ASMTL: variants seen among roughly 807,000 people sequenced by gnomAD.
ASMTL encodes the protein acetylserotonin O-methyltransferase like.
In ASMTL, 57 loss-of-function variants were observed where a neutral mutation model predicts 60.3. The ratio of observed to expected loss-of-function variants is 0.95; its 90% CI spans 0.76 to 1.18. The LOEUF (loss-of-function observed/expected upper bound fraction) is 1.18, where lower values mean the gene tolerates loss of function less well. ASMTL is among the 50% of genes most tolerant of loss of function. The pLI is 0.00. For synonymous variants in ASMTL, 419 were observed against 373.0 expected, an observed-to-expected ratio of 1.12 and a Z score of -1.42; for missense variants, 981 against 852.6, an observed-to-expected ratio of 1.15 and a Z score of -1.88.
intron 9 of ASMTL, 176 bp from the exon 10 acceptor site, chrX:1,419,290 G>C (rs1412506171): frequency 1.2e-5 from 3 of 243,204 alleles, no homozygotes; most frequent in African/African-American, 7.0e-5. Flanking sequence ...GTCTGTGTGG[G>C]GGCTGGGCTG....
At chrX:1,416,575 G>A (rs1373077242) in intron 11 of ASMTL, among the ~76,000 whole-genome samples, 1 of 93,256 alleles carries the variant, frequency 1.1e-5, no homozygotes, top group Non-Finnish European at 2.6e-5. Flanking sequence ...GCACACAGAC[G>A]CAGACACACA....
intron 12 of ASMTL, among the ~76,000 whole-genome samples, chrX:1,407,911 A>G (rs866125767): frequency 3.3e-5 from 4 of 121,544 alleles, no homozygotes; most frequent in Admixed American, 1.8e-4. Context: ...AAGAGAGAGA[A>G]AGAGAGACAG....
intron 11 of ASMTL, among the ~76,000 whole-genome samples, chrX:1,416,344 T>TAGACCA: frequency 1.5e-5 from 1 of 67,036 alleles, no homozygotes; most frequent in East Asian, 4.4e-4. Context: ...GACATACAGA[T>TAGACCA]ACAGTGACAG....
intron 11 of ASMTL, among the ~76,000 whole-genome samples, chrX:1,416,090 C>T (rs1410737178): frequency 6.6e-6 from 1 of 151,424 alleles, no homozygotes; most frequent in Non-Finnish European, 1.5e-5. Context: ...CACACTCACG[C>T]ACGGACACAC....
At chrX:1,428,625 C>A (rs1194718301) in intron 6 of ASMTL, among the ~76,000 whole-genome samples, 1 of 49,542 alleles carries the variant, frequency 2.0e-5, no homozygotes, top group Non-Finnish European at 4.8e-5. Context: ...CCAGCCTGGG[C>A]GGCAGAGGAA....
chrX:1,452,763 C>A lies in ASMTL; in HGVS notation c.78G>T (p.Glu26Asp), dbSNP rs761079794. The A allele has an allele frequency of 1.9e-6, 3 of 1,593,974 alleles. No individual in the cohort carries two copies. Among genetic ancestry groups the A allele is most frequent in the Non-Finnish European group, 2.6e-6 (3 of 1,176,164 alleles). Residue 26 changes from glutamate to aspartate, a missense_variant, in exon 1 of 13, where the codon GAG becomes GAT. Coordinates refer to ENST00000381317, the MANE Select transcript of ASMTL (RefSeq NM_004192.4). ...CAGGCCGTACCGCGTTGCTGAGGAT[C>A]TCCTGACGGCGTGGGGAGGCGCTGG... is the stretch of plus-strand genomic sequence containing the variant. The part of the protein sequence containing the change: ...VLASASPRRQ[E>D]ILSNAGLRFE...
intron 1 of ASMTL, among the ~76,000 whole-genome samples, chrX:1,444,554 TGC>T (rs1414187448): frequency 7.9e-5 from 12 of 152,110 alleles, no homozygotes; most frequent in African/African-American, 2.9e-4. Context: ...TTACATTTGG[TGC>T]CGAAACCCAG....
At position 1,419,100 on chromosome X, in the gene ASMTL, C is replaced by T. The variant is rs1288935196; in HGVS notation, c.1260G>A (p.Gln420=). 11 of 1,611,334 alleles carry T rather than the reference C, an allele frequency of 6.8e-6. No homozygotes were observed. The highest frequency in any genetic ancestry group is 2.2e-5 in the East Asian group (1 of 44,840). ...AEDLFQDAYY[Q]SPETRLRFMR... is the part of the protein sequence containing the mutation. ...TGAACCTCAGCCGCGTCTCCGGGCT[C>T]TGGTAGTACGCATCCTGGAACACAG... is the stretch of plus-strand genomic sequence containing the variant. Residue 420 remains glutamine (Q), a synonymous_variant, in exon 10 of 13, where the codon CAG becomes CAA. Coordinates refer to ENST00000381317, the MANE Select transcript of ASMTL (RefSeq NM_004192.4).
chrX:1,411,806 C>CT (rs756437483), intron 12 of ASMTL, among the ~76,000 whole-genome samples: 28,753 of 84,714 alleles, frequency 0.34, 6,428 homozygotes, highest in Non-Finnish European at 0.37. Context: ...TTAGGATTTT[C>CT]TTTTTTTTTT....
At chrX:1,449,719 T>TGCC (rs1569535099) in intron 1 of ASMTL, among the ~76,000 whole-genome samples, 2 of 104,242 alleles carry the variant, frequency 1.9e-5, no homozygotes, top group Non-Finnish European at 3.7e-5. Flanking sequence ...CCAGTAACTA[T>TGCC]CCACCATCAC....
At chrX:1,420,374 TATC>T (rs2090450185) in intron 9 of ASMTL, among the ~76,000 whole-genome samples, 1 of 146,536 alleles carries the variant, frequency 6.8e-6, no homozygotes, top group South Asian at 2.1e-4. Flanking sequence ...TCTGTCTGCC[TATC>T]TCTCTCTCTG....
intron 1 of ASMTL, among the ~76,000 whole-genome samples, chrX:1,445,903 G>A (rs1293060661): frequency 6.6e-6 from 1 of 152,062 alleles, no homozygotes; most frequent in Admixed American, 6.6e-5. Flanking sequence ...CCCAGACGGG[G>A]TCACCAAAGG....
chrX:1,425,348 T>C (rs1308828526), intron 8 of ASMTL, 177 bp downstream of exon 8: 7 of 284,126 alleles, frequency 2.5e-5, no homozygotes, highest in Non-Finnish European at 3.2e-5. Context: ...CTGCCACTGT[T>C]CCCTCTCTGT....
At chrX:1,433,097 CAAAT>C (rs1422788006) in intron 5 of ASMTL, among the ~76,000 whole-genome samples, 1 of 151,956 alleles carries the variant, frequency 6.6e-6, no homozygotes, top group African/African-American at 2.4e-5. Context: ...GACTCTGTCT[CAAAT>C]AAATAAATAA....
At position 1,419,007 on chromosome X, in the gene ASMTL, G is replaced by A; in HGVS notation, c.1353C>T (p.Arg451=). 1 of 1,611,900 alleles carries A rather than the reference G, an allele frequency of 6.2e-7. No individual in the cohort carries two copies. The highest frequency in any genetic ancestry group is 8.5e-7 in the Non-Finnish European group (1 of 1,179,820). The change falls in exon 10 of 13, where the codon CGC becomes CGT. Residue 451 remains arginine, a synonymous_variant. Coordinates refer to ENST00000381317, the MANE Select transcript of ASMTL (RefSeq NM_004192.4). ...CTCCCACGTCGCAGGCGGAGGAGAA[G>A]CGGGACAGATTGAAGGCCGTGGCCA... ...CQVATAFNLS[R]FSSACDVGGC... is the part of the protein sequence containing the mutation.
intron 5 of ASMTL, among the ~76,000 whole-genome samples, chrX:1,433,160 C>T (rs1188728292): frequency 2.0e-5 from 3 of 151,912 alleles, no homozygotes; most frequent in Non-Finnish European, 4.4e-5. Flanking sequence ...GACACAGAGC[C>T]CCTGAATCCC....
intron 6 of ASMTL, among the ~76,000 whole-genome samples, chrX:1,431,476 CATT>C (rs1265055160): frequency 7.6e-6 from 1 of 131,416 alleles, no homozygotes; most frequent in Non-Finnish European, 1.6e-5. Context: ...GTATATATTA[CATT>C]AATATTAATC....
At chrX:1,429,771 TG>T (rs1252222849) in intron 6 of ASMTL, among the ~76,000 whole-genome samples, 1 of 151,210 alleles carries the variant, frequency 6.6e-6, no homozygotes, top group Non-Finnish European at 1.5e-5. Flanking sequence ...CACTCCAGCC[TG>T]GGTGACGGAG....
intron 8 of ASMTL, among the ~76,000 whole-genome samples, chrX:1,422,196 T>C (rs2090500476): frequency 1.3e-5 from 2 of 152,170 alleles, no homozygotes; most frequent in South Asian, 2.1e-4. Flanking sequence ...TAGATGTGGC[T>C]GTGGAGGTGT....
Sources: allele counts gnomAD v4.1 joint callset (sites outside exome capture counted in the v4.1 genomes callset), GRCh38; gene constraint gnomAD v4.1.1; transcripts MANE v1.5; gene names NCBI Gene and HGNC (gene_info 2026-07-23, HGNC 2026-07-21).